The following EGFL6 variants were observed in gnomAD, a reference collection of about 807,000 sequenced individuals.
The protein encoded by EGFL6 is EGF like domain multiple 6.
EGFL6 carries 42 observed loss-of-function variants against 43.1 expected under a neutral mutation model. The observed-to-expected ratio is 0.98, with a 90% confidence interval of 0.76 to 1.26. EGFL6 has a LOEUF of 1.26. Ranked by LOEUF, EGFL6 falls within the 50% of genes most tolerant of loss-of-function variation. The probability of loss-of-function intolerance (pLI) is 0.00; values close to 1 mark genes in which losing one functional copy is unlikely to be tolerated. For missense variants in EGFL6, 429 were observed against 427.8 expected, an observed-to-expected ratio of 1.00 and a Z score of -0.02; for synonymous variants, 164 against 163.2, an observed-to-expected ratio of 1.01 and a Z score of -0.04.
chrX:13,574,176 C>T lies in EGFL6; in HGVS notation c.74+4241C>T, dbSNP rs2045458085. On this transcript the variant is annotated intron_variant, in intron 1 of 11. Transcript: ENST00000361306. ...TTATCCCTTGTGAAGACAAGGGAGCCGGGGTGTTTGTAATCCCAACAGTCA... is the reference window on the plus strand; with the variant it reads ...TTATCCCTTGTGAAGACAAGGGAGCTGGGGTGTTTGTAATCCCAACAGTCA... Among the ~76,000 whole-genome samples the T allele has an allele frequency of 2.7e-5, 3 of 111,957 alleles. No homozygotes were observed. In the South Asian group the frequency reaches 1.1e-3, roughly 42 times the overall value.
At position 13,606,375 on chromosome X, in the gene EGFL6, C is replaced by G; in HGVS notation, c.521-4C>G. ...ACTGACACCTTCTGGTTTTTACACC[C>G]TAGATATTGATGAATGTGCCTCTGG... On this transcript the variant is annotated splice_polypyrimidine_tract_variant and splice_region_variant and intron_variant, in intron 5 of 11. Transcript: ENST00000361306. The G allele has an allele frequency of 8.3e-7, 1 of 1,210,050 alleles. No homozygotes were observed. The highest frequency in any genetic ancestry group is 1.1e-6 in the Non-Finnish European group (1 of 894,560).
At position 13,618,001 on chromosome X, in the gene EGFL6, G is replaced by A. The variant is rs773203372; in HGVS notation, c.1050G>A (p.Glu350=). The A allele has an allele frequency of 1.7e-6, 2 of 1,209,507 alleles. No individual in the cohort carries two copies. Among genetic ancestry groups the A allele is most frequent in the Non-Finnish European group, 2.2e-6 (2 of 895,123 alleles). The part of the protein sequence containing the change: ...KEGLEDEKRE[E]KALKNDIEER... ...GGCTTGAGGATGAGAAAAGAGAAGA[G>A]AAAGCCCTGAAGAATGACATAGAGG... Residue 350 remains glutamate (E), a synonymous_variant, in exon 8 of 12, where the codon GAG becomes GAA. Coordinates refer to ENST00000361306, the MANE Select transcript of EGFL6 (RefSeq NM_015507.4).
chrX:13,609,020 T>C (rs1480379709), intron 7 of EGFL6, among the ~76,000 whole-genome samples: 1 of 112,794 alleles, frequency 8.9e-6, no homozygotes, highest in Admixed American at 9.4e-5. Flanking sequence ...TAATACTTTT[T>C]GTTAAAACTT....
chrX:13,571,530 C>T (rs1361990847), intron 1 of EGFL6, among the ~76,000 whole-genome samples: 1 of 111,680 alleles, frequency 9.0e-6, no homozygotes, highest in Non-Finnish European at 1.9e-5. Flanking sequence ...AGACCAAATG[C>T]TGTTTGGAGA....
intron 5 of EGFL6, among the ~76,000 whole-genome samples, chrX:13,605,595 A>C (rs1244202618): frequency 2.7e-5 from 3 of 109,483 alleles, no homozygotes; most frequent in Non-Finnish European, 3.8e-5. Flanking sequence ...AAAAAAAAAA[A>C]AAAGATTGCA....
chrX:13,618,576 C>T (rs1277874024), intron 8 of EGFL6, among the ~76,000 whole-genome samples: 1 of 112,337 alleles, frequency 8.9e-6, no homozygotes, highest in Non-Finnish European at 1.9e-5. Context: ...TCTATGTGAA[C>T]TAGAGAACTG....
chrX:13,603,408 C>G lies in EGFL6; in HGVS notation c.492C>G (p.Arg164=), dbSNP rs149453142. 15 of 1,208,863 alleles carry G rather than the reference C, an allele frequency of 1.2e-5. No homozygotes were observed. The African/African-American group carries it at 2.6e-4, about 21-fold the overall frequency. The change falls in exon 5 of 12, where the codon CGC becomes CGG. Residue 164 remains arginine, a synonymous_variant. Transcript: ENST00000361306. ...PQCLCPSSGL[R]LAPNGRDCLD... ...GCCTGTGTCCATCCTCAGGACTCCG[C>G]CTGGCCCCAAATGGAAGAGACTGTC...
At position 13,613,157 on chromosome X, in the gene EGFL6, C is replaced by CATATATATATATATATATATATATAT. The variant is rs35293457; in HGVS notation, c.779-4551_779-4550insATATATATATATATATATATATATAT. Among the ~76,000 whole-genome samples, 35 of 89,395 alleles carry CATATATATATATATATATATATATAT rather than the reference C, an allele frequency of 3.9e-4. 1 individual carries two copies. Among genetic ancestry groups the CATATATATATATATATATATATATAT allele is most frequent in the African/African-American group, 1.6e-3 (34 of 21,847 alleles). 77.6% of individuals were successfully genotyped at this position (89,395 alleles called of 115,157 possible). On this transcript the variant is annotated intron_variant, in intron 7 of 11. Coordinates refer to ENST00000361306, the MANE Select transcript of EGFL6 (RefSeq NM_015507.4). The stretch of plus-strand genomic sequence containing the variant: ...GAGACTTCATCTCCATAAATATATA[C>CATATATATATATATATATATATATAT]ATATATATATATATATATATATGTC...
At chrX:13,624,058 C>G (rs967202057) in intron 10 of EGFL6, 133 bp downstream of exon 10, 1 of 465,265 alleles carries the variant, frequency 2.1e-6, no homozygotes, top group African/African-American at 2.5e-5. Context: ...TTTAGACCTT[C>G]TGAGCTCTCC....
intron 3 of EGFL6, 152 bp downstream of exon 3, chrX:13,595,080 T>C: frequency 2.9e-6 from 1 of 346,913 alleles, no homozygotes. Flanking sequence ...CTCTTCTCCT[T>C]GAAAAATGTA....
At chrX:13,572,516 C>G (rs891034933) in intron 1 of EGFL6, among the ~76,000 whole-genome samples, 2 of 112,188 alleles carry the variant, frequency 1.8e-5, no homozygotes, top group African/African-American at 6.5e-5. Context: ...ACTTATTGAT[C>G]TGAACTCCAT....
chrX:13,608,754 C>A (rs2045674273), intron 7 of EGFL6, among the ~76,000 whole-genome samples: 1 of 112,580 alleles, frequency 8.9e-6, no homozygotes, highest in African/African-American at 3.2e-5. Context: ...ACAAAAGACA[C>A]TGAGCAAATT....
At chrX:13,594,225 T>C (rs895458205) in intron 2 of EGFL6, among the ~76,000 whole-genome samples, 1 of 112,124 alleles carries the variant, frequency 8.9e-6, no homozygotes, top group Non-Finnish European at 1.9e-5. Flanking sequence ...CCCCTGTTGT[T>C]TTTCCTACCA....
At position 13,617,860 on chromosome X, in the gene EGFL6, C is replaced by A. The variant is rs1245033993; in HGVS notation, c.909C>A (p.Pro303=). Residue 303 remains proline, a synonymous_variant, in exon 8 of 12, where the codon CCC becomes CCA. Coordinates refer to ENST00000361306, the MANE Select transcript of EGFL6 (RefSeq NM_015507.4). ...AAATTAAAAATGTTACCCCAGAACCCACCAGGACTCCTACCCCTAAGGTGA... is the reference window on the plus strand; with the variant it reads ...AAATTAAAAATGTTACCCCAGAACCAACCAGGACTCCTACCCCTAAGGTGA... ...KAKIKNVTPE[P]TRTPTPKVNL... is the part of the protein sequence containing the mutation. The A allele has an allele frequency of 8.3e-7, 1 of 1,209,264 alleles. No individual in the cohort carries two copies. Among genetic ancestry groups the A allele is most frequent in the African/African-American group, 1.8e-5 (1 of 56,936 alleles).
In EGFL6 at chrX:13,603,339, A is replaced by C. The variant is rs184301664; in HGVS notation, c.423A>C (p.Ile141=). Reference sequence around the variant, plus strand: ...CAGACTCTAGGACATGTGCCATGATAAACTGTCAGTACAGCTGTGAAGACA... The same window carrying C: ...CAGACTCTAGGACATGTGCCATGATCAACTGTCAGTACAGCTGTGAAGACA... ...TCVNSRTCAM[I]NCQYSCEDTE... The change falls in exon 5 of 12, where the codon ATA becomes ATC. Residue 141 remains isoleucine (I), a synonymous_variant. Coordinates refer to ENST00000361306, the MANE Select transcript of EGFL6 (RefSeq NM_015507.4). 3.5e-5 allele frequency: 42 copies of C among 1,208,117 alleles called. No individual in the cohort carries two copies. The African/African-American group carries it at 6.8e-4, about 20-fold the overall frequency.
At chrX:13,603,654 T>C (rs1411599646) in intron 5 of EGFL6, among the ~76,000 whole-genome samples, 1 of 112,522 alleles carries the variant, frequency 8.9e-6, no homozygotes, top group Non-Finnish European at 1.9e-5. Context: ...TGTATTGCCT[T>C]AATGCCATAG....
chrX:13,598,368 T>G (rs1215026080), intron 3 of EGFL6, among the ~76,000 whole-genome samples: 1 of 111,674 alleles, frequency 9.0e-6, no homozygotes, highest in Non-Finnish European at 1.9e-5. Flanking sequence ...TCTGTTACCA[T>G]GCTGACCTTT....
intron 9 of EGFL6, among the ~76,000 whole-genome samples, chrX:13,620,693 A>C (rs1441622249): frequency 9.0e-6 from 1 of 111,055 alleles, no homozygotes; most frequent in African/African-American, 3.3e-5. Flanking sequence ...CTTATTGCCC[A>C]TTTTCCTGGT....
chrX:13,595,400 G>C (rs1480815622), intron 3 of EGFL6, among the ~76,000 whole-genome samples: 1 of 111,765 alleles, frequency 8.9e-6, no homozygotes, highest in African/African-American at 3.2e-5. Flanking sequence ...TTAGATCCTG[G>C]AAGTCTTTTT....
Sources: allele counts gnomAD v4.1 joint callset (sites outside exome capture counted in the v4.1 genomes callset), GRCh38; gene constraint gnomAD v4.1.1; transcripts MANE v1.5; gene names NCBI Gene and HGNC (gene_info 2026-07-23, HGNC 2026-07-21).